Variants in PDE4C observed in about 807,000 individuals in gnomAD.
PDE4C encodes phosphodiesterase 4C.
In PDE4C, 50 loss-of-function variants were observed where a neutral mutation model predicts 63.9. The observed-to-expected ratio is 0.78, with a 90% CI of 0.62 to 0.99. The LOEUF is 0.99. Among genes scored for constraint, PDE4C ranks in the 50% least tolerant of loss-of-function variants. PDE4C has a pLI of 0.00. For missense variants in PDE4C, 777 were observed against 899.1 expected (o/e 0.86, Z 1.74); for synonymous variants, 377 against 385.1 (o/e 0.98, Z 0.25).
chr19:18,213,218 A>AG lies in PDE4C; in HGVS notation c.1512+149dup. On this transcript the variant is annotated intron_variant, in intron 13 of 14. Transcript: ENST00000262805. ...AGAATGGCGTGAACCTGGGAGGCAG[A>AG]GCTTGCACTGAGCCAAGATGGCGCC... 4 of 526,878 alleles carry AG rather than the reference A, an allele frequency of 7.6e-6. 1 individual carries two copies. In the South Asian group the frequency reaches 1.1e-4, roughly 14 times the overall value. The allele number at this position is 526,878 out of a possible 1,614,324, so 32.6% of individuals were successfully genotyped here.
upstream of PDE4C, among the ~76,000 whole-genome samples, chr19:18,249,325 A>C (rs1364114965): frequency 1.3e-5 from 2 of 152,086 alleles, no homozygotes; most frequent in Non-Finnish European, 1.5e-5. Context: ...CCCAGACTAG[A>C]GTGCAGTGGT....
chr19:18,218,524 G>T, intron 9 of PDE4C, 26 bp from the exon 10 acceptor site: 1 of 1,613,432 alleles, frequency 6.2e-7, no homozygotes, highest in Non-Finnish European at 8.5e-7. Context: ...CCCTGGCTCA[G>T]GGCCTTGGCC....
At chr19:18,228,699 G>A (rs1018810421), upstream of PDE4C, among the ~76,000 whole-genome samples, 152 of 152,094 alleles carry the variant, frequency 1.0e-3, 1 homozygote, top group African/African-American at 3.6e-3. Context: ...ATAGCTGTTC[G>A]GATGGAGAAA....
intron 1 of PDE4C, among the ~76,000 whole-genome samples, chr19:18,241,255 G>GTTTTTTTTTT (rs200717537): frequency 2.5e-5 from 2 of 78,494 alleles, no homozygotes; most frequent in African/African-American, 9.9e-5. Context: ...TTCTTCTCTT[G>GTTTTTTTTTT]TTTTTTTTTT....
intron 1 of PDE4C, 41 bp from the exon 2 acceptor site, chr19:18,222,364 C>A: frequency 6.4e-7 from 1 of 1,570,456 alleles, no homozygotes; most frequent in Admixed American, 1.8e-5. Context: ...AGGGTCATGA[C>A]AACTGGGTGC....
Position 18,220,234 on chromosome 19 carries a change from G to T in PDE4C, c.698C>A (p.Thr233Asn). 6.2e-7 allele frequency: 1 copy of T among 1,613,418 alleles called. No individual in the cohort carries two copies. Among genetic ancestry groups the T allele is most frequent in the East Asian group, 2.2e-5 (1 of 44,874 alleles). Residue 233 changes from threonine to asparagine, a missense_variant, in exon 7 of 15, where the codon ACC (threonine) becomes AAC (asparagine). Thr to Asn is a moderately conservative substitution (Grantham distance 65). This residue lies in a region of PDE4C where 500 missense variants were observed against 597.8 expected (regional missense o/e 0.84). Transcript: ENST00000262805. This position sits in a 1 kb window ranked among gnomAD's most constrained non-coding sequence, Gnocchi z 5.1. ...GACTCAACAAAGCTCACCCAGGAAG[G>T]TCCGGGAGATGTACTCGGACACCTG... is the stretch of plus-strand genomic sequence containing the variant.
At chr19:18,247,779 C>G (rs1179740140) in intron 1 of PDE4C, among the ~76,000 whole-genome samples, 1 of 152,148 alleles carries the variant, frequency 6.6e-6, no homozygotes, top group Admixed American at 6.5e-5. Context: ...AGCCCAGGTA[C>G]GGCCCTGTGG....
At position 18,215,978 on chromosome 19, in the gene PDE4C, C is replaced by T. The variant is rs577202759; in HGVS notation, c.1389+763G>A. Reference sequence around the variant, plus strand: ...CCAAGTATCTGGGATCACAGGTGCCCGCCACCAGGCCCGGCTAATTTTTGT... The same window carrying T: ...CCAAGTATCTGGGATCACAGGTGCCTGCCACCAGGCCCGGCTAATTTTTGT... On this transcript the variant is annotated intron_variant, in intron 12 of 14. Coordinates refer to ENST00000262805, the Ensembl canonical transcript of PDE4C. Among the ~76,000 whole-genome samples, 59 of 151,602 alleles carry T rather than the reference C, an allele frequency of 3.9e-4. No individual in the cohort carries two copies. In the South Asian group the frequency reaches 6.0e-3, roughly 16 times the overall value.
Position 18,220,502 on chromosome 19 carries a change from C to T in PDE4C, c.513G>A (p.Gln171=). ...CGTCTAGCGTCTCCAATGCCAGCTT[C>T]TGCCCCGTGTCCTCTGGGAGCCGAG... The change falls in exon 6 of 15, where the codon CAG becomes CAA. Residue 171 remains glutamine, a synonymous_variant. Coordinates refer to ENST00000262805, the Ensembl canonical transcript of PDE4C. The surrounding 1 kb of genome is among the most constrained non-coding windows in gnomAD (Gnocchi z 5.1). 6.2e-7 allele frequency: 1 copy of T among 1,613,904 alleles called. No homozygotes were observed. The highest frequency in any genetic ancestry group is 1.1e-5 in the South Asian group (1 of 91,066).
At chr19:18,222,719 T>TG (rs1968548204) in intron 1 of PDE4C, among the ~76,000 whole-genome samples, 1 of 138,526 alleles carries the variant, frequency 7.2e-6, no homozygotes, top group Non-Finnish European at 1.6e-5. Context: ...TTTTTTTTTT[T>TG]GACAGGGCCC....
At chr19:18,223,478 G>A (rs558561570) in intron 1 of PDE4C, among the ~76,000 whole-genome samples, 1 of 152,198 alleles carries the variant, frequency 6.6e-6, no homozygotes, top group Non-Finnish European at 1.5e-5. Flanking sequence ...CCAAAGTGCT[G>A]GGATTACAGG....
the PDE4C span, among the ~76,000 whole-genome samples, chr19:18,254,888 G>A: frequency 4.6e-5 from 7 of 152,232 alleles, no homozygotes; most frequent in African/African-American, 1.4e-4. Context: ...TGGCCCTGAG[G>A]TCTTCACCAT....
intron 1 of PDE4C, among the ~76,000 whole-genome samples, chr19:18,225,087 T>C (rs1182752700): frequency 6.6e-6 from 1 of 152,112 alleles, no homozygotes; most frequent in African/African-American, 2.4e-5. Flanking sequence ...CGGGGGAGGC[T>C]GTTTTTCTTT....
chr19:18,254,519 A>G, the PDE4C span, among the ~76,000 whole-genome samples: 33 of 152,288 alleles, frequency 2.2e-4, no homozygotes, highest in Middle Eastern at 3.4e-3. Context: ...AACCAGTTCT[A>G]ATCTGGGTCT....
Position 18,215,358 on chromosome 19 carries a change from A to C in PDE4C, c.1389+1383T>G, listed in dbSNP as rs191760057. Among the ~76,000 whole-genome samples, 17 of 152,172 alleles carry C rather than the reference A, an allele frequency of 1.1e-4. 1 individual carries two copies. The highest frequency in any genetic ancestry group is 4.1e-4 in the African/African-American group (17 of 41,502). ...AGCTCTGCCTGCAGGTCCCTAGTCA[A>C]GGGTTAGAATTTCATAACGGCCGGA... On this transcript the variant is annotated intron_variant, in intron 12 of 14. Transcript: ENST00000262805.
upstream of PDE4C, among the ~76,000 whole-genome samples, chr19:18,238,143 T>C (rs1968984129): frequency 1.3e-5 from 2 of 151,794 alleles, no homozygotes; most frequent in Admixed American, 6.6e-5. Flanking sequence ...GAGGACTGCT[T>C]CAGCCCAGAA....
At chr19:18,243,802 G>A (rs74862206) in intron 1 of PDE4C, among the ~76,000 whole-genome samples, 3,662 of 152,230 alleles carry the variant, frequency 0.024, 60 homozygotes, top group Non-Finnish European at 0.035. Flanking sequence ...ATGGGGTATA[G>A]TGGGGTGTCC....
At chr19:18,229,489 C>T (rs963638273), upstream of PDE4C, among the ~76,000 whole-genome samples, 4 of 152,158 alleles carry the variant, frequency 2.6e-5, no homozygotes, top group Admixed American at 2.6e-4. Flanking sequence ...GATCCGTCTG[C>T]CTCAGTCTCC....
intron 12 of PDE4C, among the ~76,000 whole-genome samples, chr19:18,215,589 A>G (rs1331917807): frequency 6.6e-6 from 1 of 151,366 alleles, no homozygotes; most frequent in Non-Finnish European, 1.5e-5. Flanking sequence ...ATCTCCGCTC[A>G]CTGCAATCTC....
Sources: allele counts gnomAD v4.1 joint callset (sites outside exome capture counted in the v4.1 genomes callset), GRCh38; gene constraint gnomAD v4.1.1; regional missense constraint gnomAD v4.1.1; non-coding constraint Gnocchi (gnomAD v3.1); transcripts MANE v1.5; gene names NCBI Gene and HGNC (gene_info 2026-07-23, HGNC 2026-07-21).